Variants in ATP6V1H observed in about 807,000 individuals in gnomAD.
The protein encoded by ATP6V1H is V-type proton ATPase subunit H.
In ATP6V1H, 39 loss-of-function variants were observed where a neutral mutation model predicts 71.7. The observed-to-expected ratio is 0.54, with a 90% CI of 0.42 to 0.71. The LOEUF (loss-of-function observed/expected upper bound fraction) is 0.71, where lower values mean the gene tolerates loss of function less well. Ranked by LOEUF, ATP6V1H falls within the 30% of genes least tolerant of loss-of-function variation. ATP6V1H has a pLI of 0.00. For synonymous variants in ATP6V1H, 192 were observed against 199.3 expected, an observed-to-expected ratio of 0.96 and a Z score of 0.31; for missense variants, 509 against 594.9, an observed-to-expected ratio of 0.86 and a Z score of 1.50.
chr8:53,772,207 G>C, intron 9 of ATP6V1H, 40 bp from the exon 10 acceptor site: 5 of 1,491,378 alleles, frequency 3.4e-6, no homozygotes, highest in Non-Finnish European at 4.6e-6. Context: ...TATACAATTT[G>C]TCATGTGATG....
intron 7 of ATP6V1H, among the ~76,000 whole-genome samples, 169 bp from the exon 8 acceptor site, chr8:53,802,065 A>G (rs1415760508): frequency 6.6e-6 from 1 of 152,158 alleles, no homozygotes; most frequent in African/African-American, 2.4e-5. Context: ...TTTAATCTCT[A>G]CCTCTTAGAA....
chr8:53,830,701 T>C (rs561162548), intron 3 of ATP6V1H, among the ~76,000 whole-genome samples: 2 of 152,108 alleles, frequency 1.3e-5, no homozygotes, highest in South Asian at 4.2e-4. Context: ...GAAAGAACTG[T>C]TTTTGCACAC....
rs1321764697 is a variant in ATP6V1H, at chr8:53,842,014, G to T, written c.-35-289C>A. 4.6e-5 allele frequency among the ~76,000 whole-genome samples: 7 copies of T among 152,042 alleles called. No homozygotes were observed. The East Asian group carries it at 7.7e-4, about 17-fold the overall frequency. On this transcript the variant is annotated intron_variant, in intron 1 of 13. Coordinates refer to ENST00000359530, the MANE Select transcript of ATP6V1H (RefSeq NM_015941.4). Reference sequence around the variant, plus strand: ...CTAATATACTGAAATCAGAAATCATGATTAAATAGAATAGGTATAAATATG... The same window carrying T: ...CTAATATACTGAAATCAGAAATCATTATTAAATAGAATAGGTATAAATATG...
chr8:53,819,781 T>C (rs1318258353), intron 4 of ATP6V1H, among the ~76,000 whole-genome samples: 2 of 145,938 alleles, frequency 1.4e-5, no homozygotes, highest in Non-Finnish European at 3.0e-5. Flanking sequence ...ACATAGTATA[T>C]ATATATGCTT....
At chr8:53,804,475 G>C (rs1810015189) in intron 7 of ATP6V1H, among the ~76,000 whole-genome samples, 1 of 152,158 alleles carries the variant, frequency 6.6e-6, no homozygotes, top group South Asian at 2.1e-4. Flanking sequence ...AGAAGTTTGA[G>C]ACCAGCCTGG....
chr8:53,795,919 T>A, intron 8 of ATP6V1H, 80 bp from the exon 9 acceptor site: 1 of 1,260,364 alleles, frequency 7.9e-7, no homozygotes, highest in Non-Finnish European at 1.1e-6. Flanking sequence ...CTTTTTGCAC[T>A]AATGGAACAG....
chr8:53,781,627 C>T (rs2130363270), intron 9 of ATP6V1H, among the ~76,000 whole-genome samples: 1 of 152,202 alleles, frequency 6.6e-6, no homozygotes, highest in East Asian at 1.9e-4. Flanking sequence ...TGCCTATGTC[C>T]TGAATGGTAT....
intron 13 of ATP6V1H, among the ~76,000 whole-genome samples, chr8:53,734,415 T>A (rs1156594693): frequency 6.6e-6 from 1 of 152,162 alleles, no homozygotes; most frequent in African/African-American, 2.4e-5. Flanking sequence ...CCCTGGATAC[T>A]GTCATTGAAG....
chr8:53,752,766 G>A (rs1257841581), intron 12 of ATP6V1H, among the ~76,000 whole-genome samples: 2 of 152,034 alleles, frequency 1.3e-5, no homozygotes, highest in African/African-American at 4.8e-5. Context: ...GGCCAAGGAT[G>A]GTCTCGATCT....
In ATP6V1H at chr8:53,715,738, G is replaced by T; in HGVS notation, c.*226C>A. ...ACAATAAATACAGAAATTGCAAGCA[G>T]TATATGTAACAGTAATATTTTCTTT... On this transcript the variant is annotated 3_prime_UTR_variant, in exon 14 of 14. Transcript: ENST00000359530. The T allele has an allele frequency of 2.4e-6, 1 of 415,590 alleles. No homozygotes were observed. The allele number at this position is 415,590 out of a possible 1,614,324, so 25.7% of individuals were successfully genotyped here. A position where few individuals can be genotyped will look rare whatever the true frequency, so the allele number is the denominator to read the frequency against.
intron 9 of ATP6V1H, among the ~76,000 whole-genome samples, chr8:53,782,712 T>A (rs1809202217): frequency 6.6e-6 from 1 of 152,208 alleles, no homozygotes; most frequent in Admixed American, 6.5e-5. Flanking sequence ...TTGAGATACG[T>A]CCCATCAATA....
At chr8:53,795,103 C>G (rs1236606902) in intron 9 of ATP6V1H, among the ~76,000 whole-genome samples, 2 of 152,198 alleles carry the variant, frequency 1.3e-5, no homozygotes, top group East Asian at 1.9e-4. Context: ...TTAAAACCAC[C>G]TGGCAACCTA....
At chr8:53,746,472 C>T (rs1807607061) in intron 12 of ATP6V1H, among the ~76,000 whole-genome samples, 1 of 152,082 alleles carries the variant, frequency 6.6e-6, no homozygotes, top group East Asian at 1.9e-4. Context: ...ACCATGTTGG[C>T]CAGGCTGGTC....
At chr8:53,759,463 C>A (rs933288124) in intron 11 of ATP6V1H, among the ~76,000 whole-genome samples, 6 of 152,210 alleles carry the variant, frequency 3.9e-5, no homozygotes, top group Non-Finnish European at 4.4e-5. Context: ...ACAATCCAAA[C>A]CTCTATTGCC....
chr8:53,755,941 T>C (rs1183995730), intron 12 of ATP6V1H, among the ~76,000 whole-genome samples: 1 of 139,404 alleles, frequency 7.2e-6, no homozygotes, highest in Non-Finnish European at 1.5e-5. Context: ...GTATTTTTAG[T>C]AGAGACGGGG....
chr8:53,781,141 G>A (rs1339679397), intron 9 of ATP6V1H, among the ~76,000 whole-genome samples: 1 of 152,198 alleles, frequency 6.6e-6, no homozygotes, highest in Non-Finnish European at 1.5e-5. Context: ...GGTTGAACTA[G>A]TTTACAGTCC....
Position 53,829,535 on chromosome 8 carries a change from T to TAA in ATP6V1H, c.217-4_217-3dup. On this transcript the variant is annotated splice_region_variant and splice_polypyrimidine_tract_variant and intron_variant, in intron 3 of 13. Transcript: ENST00000359530. ...CAGATTTATAAATGTTTTAGCACAC[T>TAA]AAAAAAAAAAATGAAATTAAAGTTA... 1.7e-4 allele frequency: 203 copies of TAA among 1,225,812 alleles called. No homozygotes were observed. Among genetic ancestry groups the TAA allele is most frequent in the Middle Eastern group, 2.1e-4 (1 of 4,816 alleles). The allele number at this position is 1,225,812 out of a possible 1,614,324, so 75.9% of individuals were successfully genotyped here.
intron 11 of ATP6V1H, among the ~76,000 whole-genome samples, chr8:53,759,898 G>C (rs1041588062): frequency 3.3e-5 from 5 of 152,168 alleles, no homozygotes; most frequent in African/African-American, 1.2e-4. Context: ...ACGTAAGTGT[G>C]GTTATCCACA....
chr8:53,782,025 A>C lies in ATP6V1H; in HGVS notation c.871-9858T>G, dbSNP rs536079379. The stretch of plus-strand genomic sequence containing the variant: ...CTTAGGATTAACTTGGCAATGCAGG[A>C]TCTTTTTTGGTTCCATATGAACGTT... On this transcript the variant is annotated intron_variant, in intron 9 of 13. Coordinates refer to ENST00000359530, the MANE Select transcript of ATP6V1H (RefSeq NM_015941.4). Among the ~76,000 whole-genome samples, 339 of 152,248 alleles carry C rather than the reference A, an allele frequency of 2.2e-3. 2 individuals carry two copies. The highest frequency in any genetic ancestry group is 7.9e-3 in the African/African-American group (328 of 41,550).
Sources: allele counts gnomAD v4.1 joint callset (sites outside exome capture counted in the v4.1 genomes callset), GRCh38; gene constraint gnomAD v4.1.1; transcripts MANE v1.5; gene names NCBI Gene and HGNC (gene_info 2026-07-23, HGNC 2026-07-21).